MALRD1: variants seen among roughly 807,000 people sequenced by gnomAD.
MALRD1 encodes the protein MAM and LDL-receptor class A domain-containing protein 1.
MALRD1 carries 247 observed loss-of-function variants against 242.1 expected under a neutral mutation model. The ratio of observed to expected loss-of-function variants is 1.02; its 90% CI spans 0.92 to 1.13. MALRD1 has a LOEUF of 1.13. Among genes scored for constraint, MALRD1 ranks in the 50% most tolerant of loss-of-function variants. MALRD1 has a pLI of 0.00. For missense variants in MALRD1, 2,989 were observed against 2,533.1 expected (o/e 1.18, Z -3.86); for synonymous variants, 995 against 866.6 (o/e 1.15, Z -2.60).
chr10:19,696,220 C>G (rs755117817), intron 38 of MALRD1, among the ~76,000 whole-genome samples: 10 of 152,192 alleles, frequency 6.6e-5, no homozygotes, highest in Non-Finnish European at 1.2e-4. Context: ...GGTCCTGGAT[C>G]TTTTCAACCC....
At position 19,280,067 on chromosome 10, in the gene MALRD1, C is replaced by T. The variant is rs1279769979; in HGVS notation, c.3100C>T (p.Pro1034Ser). 5.9e-6 allele frequency: 9 copies of T among 1,513,934 alleles called. No individual in the cohort carries two copies. The African/African-American group carries it at 8.4e-5, about 14-fold the overall frequency. 93.8% of individuals were successfully genotyped at this position (1,513,934 alleles called of 1,614,324 possible). ...TCAAGGTAATTTGCCAGCAGACCTCCCAACTCCACCAGAAACGTCAGTTCC... is the reference window on the plus strand; with the variant it reads ...TCAAGGTAATTTGCCAGCAGACCTCTCAACTCCACCAGAAACGTCAGTTCC... ...LYPGNLPADLPTPPETSVPVT... is the reference protein window; with the variant it reads ...LYPGNLPADLSTPPETSVPVT... The change falls in exon 20 of 40, where the codon CCA (proline) becomes TCA (serine). Residue 1034 changes from proline (P) to serine (S), a missense_variant. Physicochemically the swap from Pro to Ser is moderately conservative, Grantham distance 74. Coordinates refer to ENST00000454679, the MANE Select transcript of MALRD1 (RefSeq NM_001142308.3).
intron 12 of MALRD1, among the ~76,000 whole-genome samples, chr10:19,156,729 T>A (rs1171960958): frequency 1.3e-5 from 2 of 152,168 alleles, no homozygotes; most frequent in African/African-American, 4.8e-5. Context: ...TAAAAGGTAA[T>A]CTACCTTTCC....
intron 5 of MALRD1, among the ~76,000 whole-genome samples, chr10:19,115,277 C>T (rs545141291): frequency 7.9e-5 from 12 of 152,272 alleles, no homozygotes; most frequent in African/African-American, 2.9e-4. Context: ...GACTTTCCCA[C>T]GTGCTCCCTC....
intron 38 of MALRD1, among the ~76,000 whole-genome samples, chr10:19,725,234 A>G (rs79316817): frequency 0.032 from 4,829 of 152,188 alleles, 278 homozygotes; most frequent in African/African-American, 0.11. Flanking sequence ...AAGCCGTGGG[A>G]GGGACCTAGT....
intron 33 of MALRD1, among the ~76,000 whole-genome samples, chr10:19,568,183 C>A (rs1440599411): frequency 2.6e-5 from 4 of 152,150 alleles, no homozygotes; most frequent in African/African-American, 9.7e-5. Flanking sequence ...AACACCTTTT[C>A]TAAAAAAGTC....
intron 29 of MALRD1, among the ~76,000 whole-genome samples, chr10:19,471,182 G>A (rs572829856): frequency 2.6e-4 from 39 of 151,926 alleles, no homozygotes; most frequent in African/African-American, 8.9e-4. Flanking sequence ...ATTTGCTGGA[G>A]AGATTATTCT....
intron 28 of MALRD1, among the ~76,000 whole-genome samples, chr10:19,401,804 G>A (rs978747425): frequency 2.8e-5 from 4 of 142,524 alleles, no homozygotes; most frequent in African/African-American, 1.0e-4. Flanking sequence ...ACGACTTTAA[G>A]ATTGATCAAA....
intron 26 of MALRD1, among the ~76,000 whole-genome samples, chr10:19,383,983 G>A (rs995319656): frequency 4.6e-5 from 7 of 151,838 alleles, no homozygotes; most frequent in African/African-American, 1.7e-4. Flanking sequence ...AGACCAAATG[G>A]TAAAAGAAGG....
intron 28 of MALRD1, among the ~76,000 whole-genome samples, chr10:19,396,977 A>C (rs1396842002): frequency 6.6e-6 from 1 of 152,184 alleles, no homozygotes; most frequent in Admixed American, 6.5e-5. Context: ...TTTAACTGAC[A>C]TAATAATTCC....
chr10:19,519,267 T>C (rs1833776313), intron 31 of MALRD1, among the ~76,000 whole-genome samples: 1 of 152,164 alleles, frequency 6.6e-6, no homozygotes. Context: ...CTCATTTTCT[T>C]CTATTGTTGC....
chr10:19,699,870 A>T (rs1186459141), intron 38 of MALRD1, among the ~76,000 whole-genome samples: 1 of 152,092 alleles, frequency 6.6e-6, no homozygotes, highest in Admixed American at 6.6e-5. Flanking sequence ...TGCTCCCATG[A>T]CACAAACACC....
intron 29 of MALRD1, among the ~76,000 whole-genome samples, chr10:19,462,440 C>T (rs1835994250): frequency 6.6e-6 from 1 of 152,232 alleles, no homozygotes; most frequent in Admixed American, 6.5e-5. Flanking sequence ...CTCCTTCTGC[C>T]TCCGGATCAA....
chr10:19,270,318 T>C (rs867080858), intron 19 of MALRD1, among the ~76,000 whole-genome samples: 62 of 93,676 alleles, frequency 6.6e-4, no homozygotes, highest in African/African-American at 3.3e-3. Context: ...CTCTCTCTCT[T>C]CTCTCTCTCT....
chr10:19,494,483 C>T (rs1173505814), intron 30 of MALRD1, among the ~76,000 whole-genome samples: 1 of 152,120 alleles, frequency 6.6e-6, no homozygotes, highest in Non-Finnish European at 1.5e-5. Flanking sequence ...GGAACAAATA[C>T]TATTGAGATT....
At chr10:19,191,550 T>C (rs569563188) in intron 14 of MALRD1, among the ~76,000 whole-genome samples, 13 of 152,230 alleles carry the variant, frequency 8.5e-5, no homozygotes, top group Admixed American at 3.9e-4. Flanking sequence ...CTCATGTTCA[T>C]AGAAGCATTA....
Position 19,607,836 on chromosome 10 carries a change from G to T in MALRD1, c.6004G>T (p.Ala2002Ser). ...VCASSNSCIP[A>S]HQRCDGFADC... ...TGCCTCCTCCAACAGCTGTATCCCA[G>T]CCCACCAGCGCTGTGATGGTTTTGC... Residue 2002 changes from alanine (A) to serine (S), a missense_variant, in exon 35 of 40, where the codon GCC (alanine) becomes TCC (serine). Transcript: ENST00000454679. 6.5e-7 allele frequency: 1 copy of T among 1,549,640 alleles called. No homozygotes were observed. Among genetic ancestry groups the T allele is most frequent in the Non-Finnish European group, 8.7e-7 (1 of 1,146,508 alleles).
At chr10:19,676,112 A>T (rs1405510732) in intron 36 of MALRD1, among the ~76,000 whole-genome samples, 1 of 152,182 alleles carries the variant, frequency 6.6e-6, no homozygotes, top group Non-Finnish European at 1.5e-5. Context: ...ATAAGAGTAG[A>T]GGGTTTGTGA....
chr10:19,418,857 T>G (rs989050691), intron 28 of MALRD1, among the ~76,000 whole-genome samples: 23 of 152,286 alleles, frequency 1.5e-4, no homozygotes, highest in African/African-American at 5.1e-4. Context: ...CACATAGCAG[T>G]TTTGGGATTG....
At chr10:19,543,487 T>C (rs941901117) in intron 32 of MALRD1, among the ~76,000 whole-genome samples, 6 of 146,246 alleles carry the variant, frequency 4.1e-5, no homozygotes, top group African/African-American at 7.6e-5. Flanking sequence ...TTTCCTAGGC[T>C]GGTCTCCAAC....
Sources: gnomAD v4.1 joint callset for allele counts (sites outside exome capture counted in the v4.1 genomes callset) on GRCh38, gnomAD v4.1.1 for gene constraint, MANE v1.5 for transcripts, NCBI Gene and HGNC (gene_info 2026-07-23, HGNC 2026-07-21) for gene names.